Variants in DHX36 observed in about 807,000 individuals in gnomAD.
DHX36 encodes the protein ATP-dependent DNA/RNA helicase DHX36.
A neutral mutation model predicts 139.0 loss-of-function variants in DHX36; 50 were observed. The ratio of observed to expected loss-of-function variants is 0.36; its 90% CI spans 0.29 to 0.46. The LOEUF is 0.46. Among genes scored for constraint, DHX36 ranks in the 20% least tolerant of loss-of-function variants. The probability of loss-of-function intolerance (pLI) is 1.00; values close to 1 mark genes in which losing one functional copy is unlikely to be tolerated. For synonymous variants in DHX36, 425 were observed against 401.9 expected (o/e 1.06, Z -0.69); for missense variants, 1,024 against 1,211.3 (o/e 0.85, Z 2.29).
chr3:154,311,526 T>C (rs1712762598), intron 4 of DHX36, 110 bp downstream of exon 4: 2 of 857,770 alleles, frequency 2.3e-6, no homozygotes, highest in Non-Finnish European at 3.6e-6. Context: ...TCCAATACTA[T>C]CCTGTAAAAG....
intron 13 of DHX36, 35 bp from the exon 14 acceptor site, chr3:154,293,847 C>T (rs753861616): frequency 1.4e-6 from 2 of 1,453,442 alleles, no homozygotes; most frequent in Non-Finnish European, 1.9e-6. Context: ...CACAAAAGTA[C>T]ACTAACTTCT....
intron 4 of DHX36, among the ~76,000 whole-genome samples, chr3:154,310,831 A>G (rs1274432884): frequency 8.8e-5 from 4 of 45,410 alleles, no homozygotes; most frequent in African/African-American, 2.3e-4. Context: ...ATATATATAT[A>G]TATATATATA....
chr3:154,277,428 A>C (rs1374537015), intron 23 of DHX36, among the ~76,000 whole-genome samples, 170 bp downstream of exon 23: 1 of 152,160 alleles, frequency 6.6e-6, no homozygotes, highest in Non-Finnish European at 1.5e-5. Context: ...ATCATTACAG[A>C]CCTGAAAATT....
intron 17 of DHX36, among the ~76,000 whole-genome samples, chr3:154,285,770 A>T (rs1213123720): frequency 6.6e-6 from 1 of 152,122 alleles, no homozygotes; most frequent in Non-Finnish European, 1.5e-5. Context: ...CATCAGACAC[A>T]GATTTTTACT....
intron 15 of DHX36, 78 bp downstream of exon 15, chr3:154,292,473 C>A: frequency 1.3e-6 from 2 of 1,558,648 alleles, no homozygotes; most frequent in Admixed American, 1.8e-5. Context: ...TAATAAATAT[C>A]TTTAAATGCC....
At chr3:154,311,874 C>T in intron 3 of DHX36, 200 bp from the exon 4 acceptor site, 1 of 446,720 alleles carries the variant, frequency 2.2e-6, no homozygotes, top group Non-Finnish European at 3.9e-6. Flanking sequence ...AACTCCATTA[C>T]ATCCAGCAAA....
chr3:154,322,836 T>C (rs1013927928), intron 1 of DHX36, among the ~76,000 whole-genome samples: 8 of 152,148 alleles, frequency 5.3e-5, no homozygotes, highest in African/African-American at 1.9e-4. Context: ...CCTTAATAAA[T>C]AAAAGTTGTA....
intron 13 of DHX36, among the ~76,000 whole-genome samples, chr3:154,294,130 G>A (rs1183083658): frequency 6.6e-6 from 1 of 152,152 alleles, no homozygotes; most frequent in Non-Finnish European, 1.5e-5. Flanking sequence ...TAGAGGGAGG[G>A]ATATTTCTGT....
chr3:154,309,631 A>T lies in DHX36; in HGVS notation c.813+22T>A, dbSNP rs557330004. ...GATTACTTTTAAAAAGACAATTTTT[A>T]ATAAGTTAAGAGATTACTTACTGAA... On this transcript the variant is annotated intron_variant, in intron 5 of 24. Transcript: ENST00000496811. 19 of 1,560,874 alleles carry T rather than the reference A, an allele frequency of 1.2e-5. No individual in the cohort carries two copies. In the East Asian group the frequency reaches 1.6e-4, roughly 13 times the overall value.
In DHX36 at chr3:154,276,048, C is replaced by T. The variant is rs1234067705; in HGVS notation, c.*123G>A. On this transcript the variant is annotated 3_prime_UTR_variant, in exon 25 of 25. Coordinates refer to ENST00000496811, the MANE Select transcript of DHX36 (RefSeq NM_020865.3). The stretch of plus-strand genomic sequence containing the variant: ...ATGCACATTAAGTCTTTACTACCTA[C>T]TGAAGGCTTCTACCTTACACATGAA... The T allele has an allele frequency of 1.3e-6, 1 of 759,600 alleles. No individual in the cohort carries two copies. Among genetic ancestry groups the T allele is most frequent in the Non-Finnish European group, 2.1e-6 (1 of 475,586 alleles). The allele number at this position is 759,600 out of a possible 1,614,324, so 47.1% of individuals were successfully genotyped here. A position where few individuals can be genotyped will look rare whatever the true frequency, so the allele number is the denominator to read the frequency against.
chr3:154,285,049 T>C, intron 17 of DHX36, 62 bp from the exon 18 acceptor site: 1 of 1,541,964 alleles, frequency 6.5e-7, no homozygotes, highest in East Asian at 2.3e-5. Context: ...AAAACGATTT[T>C]AGCTTGCTTT....
chr3:154,284,590 G>A lies in DHX36; in HGVS notation c.2285C>T (p.Ala762Val), dbSNP rs773260677. The change falls in exon 19 of 25, where the codon GCG becomes GTG. Residue 762 changes from alanine (A) to valine (V), a missense_variant. This residue lies in a region of DHX36 where 470 missense variants were observed against 616.2 expected (regional missense o/e 0.76). Transcript: ENST00000496811. ...AAAATTTTTTTTTTTTACCTCAAAC[G>A]CATTCACAACTGTTAAGTGATCACT... ...TRSDHLTVVN[A>V]FEGWEEARRR... 6.9e-6 allele frequency: 11 copies of A among 1,597,756 alleles called. No individual in the cohort carries two copies. The highest frequency in any genetic ancestry group is 9.4e-6 in the Non-Finnish European group (11 of 1,174,748).
In DHX36 at chr3:154,315,067, G is replaced by T. The variant is rs61757215; in HGVS notation, c.582C>A (p.Asp194Glu). The T allele has an allele frequency of 3.4e-3, 5,481 of 1,604,588 alleles. 21 individuals are homozygous for T. Among genetic ancestry groups the T allele is most frequent in the Non-Finnish European group, 4.3e-3 (5,083 of 1,175,948 alleles). The change falls in exon 3 of 25, where the codon GAC becomes GAA. Residue 194 changes from aspartate (D) to glutamate (E), a missense_variant. By Grantham distance (45) the Asp-to-Glu change is conservative. Transcript: ENST00000496811. ...CTACCTGCATTTCAATATACCGAAG[G>T]TCATTTTTTTTCTTTTGTAAATCTT... ...LLEDLQKKKN[D>E]LRYIEMQHFR... is the part of the protein sequence containing the mutation.
At chr3:154,320,162 A>G (rs1713134770) in intron 1 of DHX36, among the ~76,000 whole-genome samples, 1 of 152,144 alleles carries the variant, frequency 6.6e-6, no homozygotes, top group South Asian at 2.1e-4. Context: ...TCCTTTAAAC[A>G]CTACTCTTAG....
At chr3:154,312,551 G>A (rs968604417) in intron 3 of DHX36, among the ~76,000 whole-genome samples, 3 of 151,730 alleles carry the variant, frequency 2.0e-5, no homozygotes, top group African/African-American at 4.8e-5. Flanking sequence ...TTATTAAGAT[G>A]GAAAAAATCG....
intron 1 of DHX36, among the ~76,000 whole-genome samples, chr3:154,321,909 AGAGT>A (rs1015969462): frequency 2.7e-5 from 4 of 147,688 alleles, no homozygotes; most frequent in African/African-American, 1.0e-4. Context: ...ACTGGGCAAC[AGAGT>A]GAGACTCCAA....
chr3:154,287,902 C>T (rs1210835983), intron 17 of DHX36, among the ~76,000 whole-genome samples: 1 of 151,994 alleles, frequency 6.6e-6, no homozygotes, highest in East Asian at 1.9e-4. Context: ...AAAACCACTA[C>T]ATACCTACCA....
intron 9 of DHX36, 106 bp from the exon 10 acceptor site, chr3:154,301,233 C>T (rs912556616): frequency 8.9e-7 from 1 of 1,127,096 alleles, no homozygotes; most frequent in African/African-American, 1.6e-5. Context: ...TTCCAAAGAA[C>T]ATTTTCATTA....
chr3:154,277,770 TTTC>T (rs1719197040), intron 22 of DHX36, 52 bp from the exon 23 acceptor site: 1 of 1,486,856 alleles, frequency 6.7e-7, no homozygotes, highest in Non-Finnish European at 9.0e-7. Context: ...TCTAGAGGAT[TTTC>T]TTTTTTTACA....
Sources: gnomAD v4.1 joint callset for allele counts (sites outside exome capture counted in the v4.1 genomes callset) on GRCh38, gnomAD v4.1.1 for gene constraint, gnomAD v4.1.1 regional missense constraint, MANE v1.5 for transcripts, NCBI Gene and HGNC (gene_info 2026-07-23, HGNC 2026-07-21) for gene names.